The following DMTN variants were observed in gnomAD, a reference collection of about 807,000 sequenced individuals.
DMTN encodes dematin actin binding protein, also known as dematin.
Under a neutral mutation model 59.4 loss-of-function variants are expected in DMTN, and 27 were observed. The observed-to-expected ratio is 0.45, with a 90% confidence interval of 0.33 to 0.63. DMTN has a LOEUF of 0.63. DMTN is among the 20% of genes least tolerant of loss of function. The pLI, the probability that DMTN is intolerant of heterozygous loss-of-function variation, is 0.02. For synonymous variants in DMTN, 221 were observed against 203.7 expected, an observed-to-expected ratio of 1.08 and a Z score of -0.72; for missense variants, 451 against 528.9, an observed-to-expected ratio of 0.85 and a Z score of 1.45.
At chr8:22,080,095 C>G in intron 10 of DMTN, 85 bp from the exon 11 acceptor site, 1 of 1,510,982 alleles carries the variant, frequency 6.6e-7, no homozygotes, top group Non-Finnish European at 9.2e-7. Context: ...CCTGCCCCAG[C>G]TGTGGAAGGC....
intron 10 of DMTN, among the ~76,000 whole-genome samples, chr8:22,077,300 G>C (rs1820610004): frequency 6.6e-6 from 1 of 152,178 alleles, no homozygotes; most frequent in Admixed American, 6.5e-5. Flanking sequence ...AAGCCACAAA[G>C]TGAATGGTCC....
At chr8:22,066,921 C>T in intron 2 of DMTN, 28 bp downstream of exon 2, 1 of 1,239,630 alleles carries the variant, frequency 8.1e-7, no homozygotes, top group Non-Finnish European at 1.0e-6. Context: ...GGGCCGGGGC[C>T]GCCGAGGGCG....
At chr8:22,071,264 T>C (rs1397046637) in intron 8 of DMTN, among the ~76,000 whole-genome samples, 1 of 151,310 alleles carries the variant, frequency 6.6e-6, no homozygotes, top group Non-Finnish European at 1.5e-5. Context: ...ACCTGGCTAA[T>C]TTTTTGTATT....
At chr8:22,074,633 A>G (rs570982903) in intron 10 of DMTN, among the ~76,000 whole-genome samples, 2 of 152,326 alleles carry the variant, frequency 1.3e-5, no homozygotes, top group South Asian at 2.1e-4. Flanking sequence ...GGGAGAGCGC[A>G]TTGCAGACAT....
At chr8:22,067,229 A>G in intron 3 of DMTN, 70 bp downstream of exon 3, 1 of 1,533,444 alleles carries the variant, frequency 6.5e-7, no homozygotes, top group Non-Finnish European at 8.9e-7. Flanking sequence ...CCTGGCTGCT[A>G]GCGTGCCTTC....
At chr8:22,069,601 T>A in intron 6 of DMTN, 83 bp downstream of exon 6, 1 of 1,211,056 alleles carries the variant, frequency 8.3e-7, no homozygotes, top group Non-Finnish European at 1.2e-6. Flanking sequence ...AGTCCCCCAC[T>A]CTCTGGGGTA....
chr8:22,080,682 G>C, intron 13 of DMTN, 57 bp downstream of exon 13: 1 of 1,587,038 alleles, frequency 6.3e-7, no homozygotes, highest in Non-Finnish European at 8.6e-7. Flanking sequence ...CCTGGCACCC[G>C]AAAGTGTCAG....
At chr8:22,073,896 A>G in intron 10 of DMTN, 61 bp downstream of exon 10, 2 of 1,419,880 alleles carry the variant, frequency 1.4e-6, no homozygotes, top group East Asian at 2.3e-5. Context: ...GACTCTGTGC[A>G]TCTGTTGACT....
upstream of DMTN, among the ~76,000 whole-genome samples, chr8:22,052,465 G>T (rs991193292): frequency 1.3e-5 from 2 of 152,138 alleles, no homozygotes; most frequent in Non-Finnish European, 2.9e-5. Context: ...ACGTGGGTGG[G>T]GCGGGGGCTT....
At chr8:22,065,114 T>C (rs1396265544) in intron 1 of DMTN, among the ~76,000 whole-genome samples, 1 of 152,206 alleles carries the variant, frequency 6.6e-6, no homozygotes, top group Non-Finnish European at 1.5e-5. Flanking sequence ...CACTGCAGCC[T>C]CGATATCATG....
intron 8 of DMTN, among the ~76,000 whole-genome samples, chr8:22,071,726 C>T (rs1423515488): frequency 7.9e-5 from 12 of 151,188 alleles, no homozygotes. Context: ...ACTACAGGCG[C>T]CCGCCACCAC....
chr8:22,067,719 GC>G (rs762147796), intron 4 of DMTN, 37 bp downstream of exon 4: 134 of 1,573,288 alleles, frequency 8.5e-5, no homozygotes, highest in South Asian at 5.1e-4. Context: ...TCCGGGGGAG[GC>G]CCCCCCCAGC....
In DMTN at chr8:22,069,481, A is replaced by T; in HGVS notation, c.357A>T (p.Gly119=). Residue 119 remains glycine, a synonymous_variant, in exon 6 of 16, where the codon GGA becomes GGT. Transcript: ENST00000358242. ...AGGCCTCGGCCCCCAGAACCACTGG[A>T]ACCCCCCGGACCAGCCTGCCCCATT... ...ISQASAPRTT[G]TPRTSLPHFH... The T allele has an allele frequency of 6.2e-7, 1 of 1,613,110 alleles. No individual in the cohort carries two copies. The highest frequency in any genetic ancestry group is 8.5e-7 in the Non-Finnish European group (1 of 1,179,524).
upstream of DMTN, among the ~76,000 whole-genome samples, chr8:22,052,606 T>C (rs1801462427): frequency 6.6e-6 from 1 of 152,102 alleles, no homozygotes; most frequent in African/African-American, 2.4e-5. Context: ...GATAAACCCA[T>C]AAAAAGGCAA....
At chr8:22,056,688 C>A (rs914553146), upstream of DMTN, among the ~76,000 whole-genome samples, 2 of 149,576 alleles carry the variant, frequency 1.3e-5, no homozygotes, top group Admixed American at 1.3e-4. Context: ...GATTGAGCTG[C>A]AGCGCTGGTG....
At chr8:22,079,816 A>G (rs1822946261) in intron 10 of DMTN, among the ~76,000 whole-genome samples, 1 of 152,140 alleles carries the variant, frequency 6.6e-6, no homozygotes. Context: ...TAAAATTATA[A>G]TAATGTAATT....
At chr8:22,066,620 GCCCGGCTGC>G in intron 1 of DMTN, 76 bp from the exon 2 acceptor site, 1 of 343,668 alleles carries the variant, frequency 2.9e-6, no homozygotes. Flanking sequence ...GCCGCAAGGG[GCCCGGCTGC>G]CTGGAGAGCG....
At chr8:22,055,064 C>T (rs17516425), upstream of DMTN, 9,478 of 152,772 alleles carry the variant, frequency 0.062, 398 homozygotes, top group Middle Eastern at 0.13. Flanking sequence ...ACTCCCCCTA[C>T]TCTGCCCTAC....
intron 1 of DMTN, among the ~76,000 whole-genome samples, chr8:22,057,503 G>C (rs1468244590): frequency 6.6e-6 from 1 of 152,174 alleles, no homozygotes; most frequent in African/African-American, 2.4e-5. Flanking sequence ...TGGCCCGCTG[G>C]CCTCCCCAAA....
Sources: gnomAD v4.1 joint callset for allele counts (sites outside exome capture counted in the v4.1 genomes callset) on GRCh38, gnomAD v4.1.1 for gene constraint, MANE v1.5 for transcripts, NCBI Gene and HGNC (gene_info 2026-07-23, HGNC 2026-07-21) for gene names.